The following RRM2B variants were observed in gnomAD, a reference collection of about 807,000 sequenced individuals.
The protein encoded by RRM2B is ribonucleotide reductase regulatory TP53 inducible subunit M2B.
RRM2B carries 20 observed loss-of-function variants against 45.9 expected under a neutral mutation model. The ratio of observed to expected loss-of-function variants is 0.44; its 90% CI spans 0.31 to 0.63. The LOEUF (loss-of-function observed/expected upper bound fraction) is 0.63, where lower values mean the gene tolerates loss of function less well. Ranked by LOEUF, RRM2B falls within the 30% of genes least tolerant of loss-of-function variation. RRM2B has a pLI of 0.09. For missense variants in RRM2B, 320 were observed against 414.7 expected (o/e 0.77, Z 1.98); for synonymous variants, 124 against 132.3 (o/e 0.94, Z 0.43).
At chr8:102,215,944 C>CAAAAAAAAAAAAAA (rs60059243) in intron 6 of RRM2B, among the ~76,000 whole-genome samples, 34 of 75,646 alleles carry the variant, frequency 4.5e-4, no homozygotes, top group East Asian at 1.0e-3. Context: ...GACCCTGTCT[C>CAAAAAAAAAAAAAA]AAAAAAAAAA....
At chr8:102,220,529 C>T (rs542523990) in intron 5 of RRM2B, among the ~76,000 whole-genome samples, 1 of 152,294 alleles carries the variant, frequency 6.6e-6, no homozygotes, top group Admixed American at 6.5e-5. Context: ...GTCTCAAACT[C>T]CTGGGCTCAA....
intron 1 of RRM2B, 27 bp from the exon 2 acceptor site, chr8:102,232,331 C>G (rs1278106448): frequency 5.6e-6 from 9 of 1,605,978 alleles, no homozygotes; most frequent in African/African-American, 1.3e-5. Flanking sequence ...ACAAACACGC[C>G]TTTTATATAG....
rs376690511 is a variant in RRM2B, at chr8:102,208,160, G to A, written c.1029C>T (p.Asn343=). 1.6e-5 allele frequency: 26 copies of A among 1,613,312 alleles called. No individual in the cohort carries two copies. Among genetic ancestry groups the A allele is most frequent in the Non-Finnish European group, 2.0e-5 (24 of 1,179,472 alleles). Reference sequence around the variant, plus strand: ...AAAAATCTGCATCCAAGGTGAAGACGTTATCTGTGGTTTCTGCCATAACTG... The same window carrying A: ...AAAAATCTGCATCCAAGGTGAAGACATTATCTGTGGTTTCTGCCATAACTG... ...RFAVMAETTD[N]VFTLDADF is the part of the protein sequence containing the mutation. Residue 343 remains asparagine (N), a synonymous_variant, in exon 9 of 9, where the codon AAC becomes AAT. Transcript: ENST00000251810.
chr8:102,232,131 G>A lies in RRM2B; in HGVS notation c.204+18C>T, dbSNP rs1811041387. On this transcript the variant is annotated intron_variant, in intron 2 of 8. Coordinates refer to ENST00000251810, the MANE Select transcript of RRM2B (RefSeq NM_015713.5). The stretch of plus-strand genomic sequence containing the variant: ...TGCACTATAGGATGTGAATGCTCTT[G>A]GAGGCAATGCCACGTACCTCTTCTG... 1 of 1,611,954 alleles carries A rather than the reference G, an allele frequency of 6.2e-7. No individual in the cohort carries two copies. Among genetic ancestry groups the A allele is most frequent in the Non-Finnish European group, 8.5e-7 (1 of 1,178,056 alleles).
At chr8:102,218,768 T>C (rs1456869195) in intron 6 of RRM2B, 46 bp downstream of exon 6, 2 of 1,120,850 alleles carry the variant, frequency 1.8e-6, no homozygotes, top group Non-Finnish European at 2.7e-6. Flanking sequence ...TAGATGAACA[T>C]CAAATATGAA....
chr8:102,228,887 T>C (rs1810980439), intron 2 of RRM2B, among the ~76,000 whole-genome samples: 1 of 152,254 alleles, frequency 6.6e-6, no homozygotes, highest in Non-Finnish European at 1.5e-5. Context: ...ATCTTTTAAA[T>C]ATTTTTCATA....
At chr8:102,225,423 G>A (rs1389087483) in intron 3 of RRM2B, among the ~76,000 whole-genome samples, 1 of 151,906 alleles carries the variant, frequency 6.6e-6, no homozygotes, top group African/African-American at 2.4e-5. Flanking sequence ...TAGTAGAAAT[G>A]GGTTTTCACC....
chr8:102,223,580 A>C (rs1810871619), intron 5 of RRM2B, among the ~76,000 whole-genome samples: 2 of 151,994 alleles, frequency 1.3e-5, no homozygotes, highest in South Asian at 4.2e-4. Flanking sequence ...CTGTAATCCC[A>C]GCTACTCAGG....
chr8:102,208,158 A>G lies in RRM2B; in HGVS notation c.1031T>C (p.Val344Ala), dbSNP rs1377258176. 2.5e-6 allele frequency: 4 copies of G among 1,613,470 alleles called. No individual in the cohort carries two copies. The highest frequency in any genetic ancestry group is 3.4e-6 in the Non-Finnish European group (4 of 1,179,594). ...FAVMAETTDN[V>A]FTLDADF ...TTAAAAATCTGCATCCAAGGTGAAG[A>G]CGTTATCTGTGGTTTCTGCCATAAC... Residue 344 changes from valine to alanine, a missense_variant, in exon 9 of 9, where the codon GTC (valine) becomes GCC (alanine). Physicochemically the swap from Val to Ala is moderately conservative, Grantham distance 64. This residue lies in a region of RRM2B where 47 missense variants were observed against 90.0 expected (regional missense o/e 0.52). Transcript: ENST00000251810.
intron 1 of RRM2B, among the ~76,000 whole-genome samples, chr8:102,233,452 G>C (rs376237454): frequency 2.0e-5 from 3 of 152,298 alleles, no homozygotes; most frequent in African/African-American, 7.2e-5. Context: ...TTGTTGTGAT[G>C]TTCCCAGAGC....
chr8:102,219,360 G>T (rs1024342273), intron 5 of RRM2B, among the ~76,000 whole-genome samples: 1 of 152,124 alleles, frequency 6.6e-6, no homozygotes, highest in Admixed American at 6.6e-5. Context: ...AGGAGGAGAG[G>T]TTGCTTAAGT....
intron 2 of RRM2B, among the ~76,000 whole-genome samples, chr8:102,228,147 AGAGAAGAGGAGAG>A (rs2132558301): frequency 6.6e-6 from 1 of 152,294 alleles, no homozygotes; most frequent in Non-Finnish European, 1.5e-5. Flanking sequence ...CTCTACCAGC[AGAGAAGAGGAGAG>A]GAGAAGAGGA....
intron 1 of RRM2B, 139 bp from the exon 2 acceptor site, chr8:102,232,443 T>C (rs1303184864): frequency 6.1e-6 from 5 of 814,020 alleles, no homozygotes. Context: ...TACTGTTACC[T>C]GGTAGCTGAC....
intron 2 of RRM2B, among the ~76,000 whole-genome samples, chr8:102,227,146 C>T (rs1167421830): frequency 6.6e-6 from 1 of 151,578 alleles, no homozygotes; most frequent in Non-Finnish European, 1.5e-5. Context: ...TCACAGGTGG[C>T]CAACAACCCA....
At chr8:102,234,972 T>C (rs1219144144) in intron 1 of RRM2B, 2 of 152,502 alleles carry the variant, frequency 1.3e-5, no homozygotes, top group African/African-American at 4.8e-5. Flanking sequence ...CAAAATTGGT[T>C]AGTAGTAATC....
At chr8:102,230,292 T>C (rs1035205676) in intron 2 of RRM2B, among the ~76,000 whole-genome samples, 7 of 152,240 alleles carry the variant, frequency 4.6e-5, no homozygotes, top group Admixed American at 3.9e-4. Flanking sequence ...AAATATGTAT[T>C]TGAATCGTCC....
rs1014687034 is a variant in RRM2B at position 102,238,949 on chromosome 8, C to T, written c.-75G>A. On this transcript the variant is annotated 5_prime_UTR_variant, in exon 1 of 9. Transcript: ENST00000251810. ...GGCCACCTCCAACTACGACAGCACC[C>T]AGGTGGTCCGCTGGTCCGCTGGGTC... 7 of 1,527,516 alleles carry T rather than the reference C, an allele frequency of 4.6e-6. No individual in the cohort carries two copies. Among genetic ancestry groups the T allele is most frequent in the African/African-American group, 1.4e-5 (1 of 73,620 alleles). The allele number at this position is 1,527,516 out of a possible 1,614,324, so 94.6% of individuals were successfully genotyped here.
intron 1 of RRM2B, among the ~76,000 whole-genome samples, chr8:102,236,308 C>T (rs1383048272): frequency 6.6e-6 from 1 of 151,978 alleles, no homozygotes; most frequent in Non-Finnish European, 1.5e-5. Flanking sequence ...AATCTGTACC[C>T]CACAGATTTG....
At chr8:102,232,526 G>A (rs1811050797) in intron 1 of RRM2B, among the ~76,000 whole-genome samples, 1 of 152,144 alleles carries the variant, frequency 6.6e-6, no homozygotes, top group Non-Finnish European at 1.5e-5. Flanking sequence ...CTCCTCAGCT[G>A]TAAAATAATT....
Sources: allele counts gnomAD v4.1 joint callset (sites outside exome capture counted in the v4.1 genomes callset), GRCh38; gene constraint gnomAD v4.1.1; regional missense constraint gnomAD v4.1.1; transcripts MANE v1.5; gene names NCBI Gene and HGNC (gene_info 2026-07-23, HGNC 2026-07-21).